Variants in C3orf49 observed in about 807,000 individuals in gnomAD.
C3orf49 encodes putative uncharacterized protein C3orf49.
A neutral mutation model predicts 13.3 loss-of-function variants in C3orf49; 27 were observed. That is an observed-to-expected ratio of 2.02 (90% CI 1.49 to 2.79). C3orf49 has a LOEUF of 2.79. Ranked by LOEUF, C3orf49 falls within the 30% of genes most tolerant of loss-of-function variation. C3orf49 has a pLI of 0.00. For missense variants in C3orf49, 242 were observed against 134.2 expected, an observed-to-expected ratio of 1.80 and a Z score of -3.97; for synonymous variants, 87 against 47.6, an observed-to-expected ratio of 1.83 and a Z score of -3.40.
chr3:63,816,764 CT>C (rs757549553), upstream of C3orf49, among the ~76,000 whole-genome samples: 1 of 80,700 alleles, frequency 1.2e-5, no homozygotes, highest in Admixed American at 1.8e-4. Context: ...ATTTTCTTTT[CT>C]TTTCTTTTTT....
chr3:63,789,919 A>C, the C3orf49 span, among the ~76,000 whole-genome samples: 1 of 151,660 alleles, frequency 6.6e-6, no homozygotes, highest in Non-Finnish European at 1.5e-5. Context: ...CCTCCACAGT[A>C]TATTAGATCC....
intron 5 of C3orf49, among the ~76,000 whole-genome samples, chr3:63,835,661 G>A (rs1701617207): frequency 6.6e-6 from 1 of 152,010 alleles, no homozygotes; most frequent in African/African-American, 2.4e-5. Flanking sequence ...CCCAAGAAAT[G>A]ATACATATTG....
chr3:63,808,964 C>T, the C3orf49 span, among the ~76,000 whole-genome samples: 1 of 149,870 alleles, frequency 6.7e-6, no homozygotes, highest in African/African-American at 2.5e-5. Context: ...AATTAATGTG[C>T]TTTTTTTTTT....
At chr3:63,841,072 A>G (rs1448458161) in intron 5 of C3orf49, among the ~76,000 whole-genome samples, 1 of 152,230 alleles carries the variant, frequency 6.6e-6, no homozygotes, top group Non-Finnish European at 1.5e-5. Flanking sequence ...CACATAATGT[A>G]ATAGTATGAG....
the C3orf49 span, among the ~76,000 whole-genome samples, chr3:63,789,719 GA>G: frequency 6.7e-6 from 1 of 148,886 alleles, no homozygotes; most frequent in Admixed American, 6.8e-5. Context: ...GCTGAGGCAG[GA>G]GAATTGCTTG....
the C3orf49 span, among the ~76,000 whole-genome samples, chr3:63,785,327 C>T: frequency 1.3e-5 from 2 of 151,668 alleles, no homozygotes; most frequent in Admixed American, 1.3e-4. Flanking sequence ...CTGCCACGGC[C>T]TCTCAAAGTG....
chr3:63,815,489 C>T (rs981538885), upstream of C3orf49, among the ~76,000 whole-genome samples: 1 of 152,158 alleles, frequency 6.6e-6, no homozygotes, highest in Admixed American at 6.5e-5. Flanking sequence ...CTATGCCTTC[C>T]CCATGTCACC....
the C3orf49 span, among the ~76,000 whole-genome samples, chr3:63,793,711 G>A: frequency 2.6e-5 from 4 of 151,994 alleles, no homozygotes; most frequent in Non-Finnish European, 5.9e-5. Flanking sequence ...ATTTTGCTCC[G>A]TCACACTAGG....
the C3orf49 span, among the ~76,000 whole-genome samples, chr3:63,782,149 G>C: frequency 6.6e-6 from 1 of 152,260 alleles, no homozygotes. Context: ...TGAGGATAGA[G>C]AGAGATAATC....
At chr3:63,837,378 G>C (rs1328259171) in intron 5 of C3orf49, among the ~76,000 whole-genome samples, 1 of 151,742 alleles carries the variant, frequency 6.6e-6, no homozygotes, top group Non-Finnish European at 1.5e-5. Context: ...ATTATAAGAA[G>C]AGCAGTGCCT....
At chr3:63,795,839 AAAACCTAG>A in the C3orf49 span, among the ~76,000 whole-genome samples, 30 of 152,292 alleles carry the variant, frequency 2.0e-4, no homozygotes, top group African/African-American at 7.2e-4. Flanking sequence ...GCTCAGGCCA[AAAACCTAG>A]AAACAATCTT....
intron 3 of C3orf49, among the ~76,000 whole-genome samples, chr3:63,829,599 G>A (rs750174344): frequency 6.6e-6 from 1 of 152,122 alleles, no homozygotes; most frequent in South Asian, 2.1e-4. Context: ...CCATCAAATG[G>A]TGTTAGATCA....
intron 6 of C3orf49, among the ~76,000 whole-genome samples, chr3:63,846,671 A>G (rs763952802): frequency 1.9e-4 from 29 of 152,058 alleles, no homozygotes; most frequent in Non-Finnish European, 3.7e-4. Context: ...TCGGCCTCCT[A>G]AAGTGCGGGA....
chr3:63,819,372 C>A lies in C3orf49; in HGVS notation c.-100C>A. 1.6e-6 allele frequency: 1 copy of A among 644,100 alleles called. No homozygotes were observed. The highest frequency in any genetic ancestry group is 2.8e-6 in the Non-Finnish European group (1 of 357,750). The allele number at this position is 644,100 out of a possible 1,614,324, so 39.9% of individuals were successfully genotyped here. ...ATATTTTATTCCGAATAGCCCACAC[C>A]TTGACAGTACATTCAGTCACTGGAT... On this transcript the variant is annotated 5_prime_UTR_variant, in exon 1 of 7. Transcript: ENST00000295896.
the C3orf49 span, among the ~76,000 whole-genome samples, chr3:63,811,932 A>G: frequency 6.6e-6 from 1 of 151,466 alleles, no homozygotes; most frequent in Non-Finnish European, 1.5e-5. Flanking sequence ...TTAATTTAAA[A>G]TTAAAAAAAA....
intron 4 of C3orf49, 36 bp from the exon 5 acceptor site, chr3:63,831,644 C>T: frequency 1.4e-6 from 1 of 694,042 alleles, no homozygotes; most frequent in Non-Finnish European, 2.6e-6. Flanking sequence ...GGCTTTCCAA[C>T]ACATGGCTTC....
intron 5 of C3orf49, among the ~76,000 whole-genome samples, chr3:63,840,373 C>A (rs1701730945): frequency 6.6e-6 from 1 of 152,040 alleles, no homozygotes; most frequent in South Asian, 2.1e-4. Context: ...GGGAGTATCA[C>A]TTGAGCCCAG....
rs116679597 is a variant in C3orf49 at position 63,837,977 on chromosome 3, T to C, written c.849+6133T>C. On this transcript the variant is annotated intron_variant, in intron 5 of 6. Transcript: ENST00000295896. ...CATTAAATCCCTCAAAACCCTTACCTTGGCGATTTTTTCGTATTCGTTTTG... is the reference window on the plus strand; with the variant it reads ...CATTAAATCCCTCAAAACCCTTACCCTGGCGATTTTTTCGTATTCGTTTTG... The C allele has an allele frequency of 5.8e-5, 94 of 1,607,354 alleles. No homozygotes were observed. The African/African-American group carries it at 1.2e-3, about 20-fold the overall frequency.
the C3orf49 span, among the ~76,000 whole-genome samples, chr3:63,806,983 G>A: frequency 6.6e-5 from 10 of 151,118 alleles, no homozygotes; most frequent in Non-Finnish European, 1.3e-4. Context: ...ACGGAGTCTC[G>A]CTCTGTGGCC....
Sources: gnomAD v4.1 joint callset for allele counts (sites outside exome capture counted in the v4.1 genomes callset) on GRCh38, gnomAD v4.1.1 for gene constraint, MANE v1.5 for transcripts, NCBI Gene and HGNC (gene_info 2026-07-23, HGNC 2026-07-21) for gene names.